Variants in NRXN1 observed in about 807,000 individuals in gnomAD.
The protein encoded by NRXN1 is neurexin 1.
A neutral mutation model predicts 150.9 loss-of-function variants in NRXN1; 39 were observed. The observed-to-expected ratio is 0.26, with a 90% CI of 0.20 to 0.34. The LOEUF is 0.34. Ranked by LOEUF, NRXN1 falls within the 10% of genes least tolerant of loss-of-function variation. The probability of loss-of-function intolerance (pLI) is 1.00; values close to 1 mark genes in which losing one functional copy is unlikely to be tolerated. For synonymous variants in NRXN1, 924 were observed against 757.0 expected (o/e 1.22, Z -3.62); for missense variants, 1,815 against 1,949.9 (o/e 0.93, Z 1.30).
At chr2:50,938,404 A>G (rs936803735) in intron 2 of NRXN1, among the ~76,000 whole-genome samples, 1 of 152,286 alleles carries the variant, frequency 6.6e-6, no homozygotes, top group African/African-American at 2.4e-5. Flanking sequence ...CAATATCACT[A>G]TCAGTATTTT....
At chr2:50,579,839 T>G (rs556662047) in intron 8 of NRXN1, among the ~76,000 whole-genome samples, 1 of 151,648 alleles carries the variant, frequency 6.6e-6, no homozygotes, top group East Asian at 2.0e-4. Context: ...GAAAAAGCAA[T>G]TGAACATCAG....
rs145847260 is a variant in NRXN1 at position 50,340,744 on chromosome 2, C to T, written c.3365-103774G>A. ...AAAGAGAGAGAGAAACAGAGAAAAA[C>T]GAAACAAGAATATGAATGACAAAAC... is the stretch of plus-strand genomic sequence containing the variant. On this transcript the variant is annotated intron_variant, in intron 17 of 22. Coordinates refer to ENST00000401669, the MANE Select transcript of NRXN1 (RefSeq NM_001330078.2). 6.9e-3 allele frequency among the ~76,000 whole-genome samples: 1,047 copies of T among 152,002 alleles called. 3 individuals are homozygous for T. Among genetic ancestry groups the T allele is most frequent in the Non-Finnish European group, 0.011 (759 of 67,970 alleles).
intron 5 of NRXN1, among the ~76,000 whole-genome samples, chr2:50,868,611 T>C (rs1453669923): frequency 6.6e-6 from 1 of 151,816 alleles, no homozygotes; most frequent in Non-Finnish European, 1.5e-5. Context: ...AGAAACAAGT[T>C]CTATACATAA....
intron 2 of NRXN1, among the ~76,000 whole-genome samples, chr2:50,972,587 C>G (rs773451742): frequency 5.3e-5 from 8 of 152,072 alleles, no homozygotes; most frequent in Non-Finnish European, 1.2e-4. Flanking sequence ...AACTATACAA[C>G]TCACCATAAT....
intron 22 of NRXN1, among the ~76,000 whole-genome samples, chr2:49,930,410 C>G (rs1427957643): frequency 1.3e-5 from 2 of 152,058 alleles, no homozygotes; most frequent in East Asian, 1.9e-4. Flanking sequence ...GGAAAAAAGA[C>G]AAACAACCTA....
At chr2:50,091,679 T>G (rs1480836595) in intron 18 of NRXN1, among the ~76,000 whole-genome samples, 185 bp from the exon 19 acceptor site, 1 of 152,212 alleles carries the variant, frequency 6.6e-6, no homozygotes, top group Non-Finnish European at 1.5e-5. Flanking sequence ...TTAAGACATC[T>G]CTTTCATGGA....
chr2:50,508,195 C>T (rs553395983), intron 12 of NRXN1, among the ~76,000 whole-genome samples: 1 of 152,090 alleles, frequency 6.6e-6, no homozygotes, highest in African/African-American at 2.4e-5. Flanking sequence ...AGAAATGAGC[C>T]AGTGATATGA....
At chr2:50,588,929 A>G (rs1673633222) in intron 8 of NRXN1, 1 of 152,138 alleles carries the variant, frequency 6.6e-6, no homozygotes, top group Non-Finnish European at 1.5e-5. Context: ...TCATACAATA[A>G]ATCCTAGGAA....
At chr2:50,614,667 A>AT (rs1346343295) in intron 8 of NRXN1, among the ~76,000 whole-genome samples, 1 of 147,044 alleles carries the variant, frequency 6.8e-6, no homozygotes, top group Non-Finnish European at 1.5e-5. Context: ...ATAAAATAAA[A>AT]AAAAAACAGA....
At chr2:50,539,447 T>C (rs989603321) in intron 9 of NRXN1, among the ~76,000 whole-genome samples, 2 of 152,080 alleles carry the variant, frequency 1.3e-5, no homozygotes, top group Admixed American at 1.3e-4. Flanking sequence ...GGGCTCTAAG[T>C]CCTAAGTATG....
intron 18 of NRXN1, among the ~76,000 whole-genome samples, chr2:50,212,811 C>A (rs1461957606): frequency 1.3e-5 from 2 of 151,968 alleles, no homozygotes; most frequent in African/African-American, 4.8e-5. Context: ...TATGAAACTT[C>A]AAGGTTAAAT....
At chr2:50,729,007 T>A (rs1697750226) in intron 5 of NRXN1, among the ~76,000 whole-genome samples, 2 of 152,184 alleles carry the variant, frequency 1.3e-5, no homozygotes, top group Non-Finnish European at 2.9e-5. Flanking sequence ...AAACCTTTTT[T>A]TCCCCTGCAT....
In NRXN1 at chr2:50,793,842, C is replaced by T. The variant is rs188248971; in HGVS notation, c.832+128027G>A. Among the ~76,000 whole-genome samples, 66 of 152,130 alleles carry T rather than the reference C, an allele frequency of 4.3e-4. No individual in the cohort carries two copies. The East Asian group carries it at 6.6e-3, about 15-fold the overall frequency. On this transcript the variant is annotated intron_variant, in intron 5 of 22. Transcript: ENST00000401669. ...AGCAGCAGAATTATCCACAATGATTCTCATGCATTTGTACTTTTTTTAATC... is the reference window on the plus strand; with the variant it reads ...AGCAGCAGAATTATCCACAATGATTTTCATGCATTTGTACTTTTTTTAATC...
At chr2:50,088,137 A>G (rs959401230) in intron 19 of NRXN1, among the ~76,000 whole-genome samples, 2 of 152,178 alleles carry the variant, frequency 1.3e-5, no homozygotes, top group Non-Finnish European at 2.9e-5. Flanking sequence ...AAACTGACAT[A>G]AAATACATAT....
At position 50,869,985 on chromosome 2, in the gene NRXN1, C is replaced by T. The variant is rs76749303; in HGVS notation, c.832+51884G>A. Among the ~76,000 whole-genome samples, 150 of 151,920 alleles carry T rather than the reference C, an allele frequency of 9.9e-4. No homozygotes were observed. The East Asian group carries it at 0.028, about 28-fold the overall frequency. ...CAAAAGTTAATAAGACACTTAAATG[C>T]TTTTTGGCTTTTAAAATAACTTATT... On this transcript the variant is annotated intron_variant, in intron 5 of 22. Coordinates refer to ENST00000401669, the MANE Select transcript of NRXN1 (RefSeq NM_001330078.2).
chr2:50,485,024 A>G (rs538495970), intron 15 of NRXN1, among the ~76,000 whole-genome samples: 3 of 152,314 alleles, frequency 2.0e-5, no homozygotes, highest in Admixed American at 6.5e-5. Context: ...CCTGGGTTCA[A>G]ATTCTGTTTC....
intron 5 of NRXN1, among the ~76,000 whole-genome samples, chr2:50,654,743 C>T (rs536961768): frequency 6.6e-6 from 1 of 152,166 alleles, no homozygotes; most frequent in African/African-American, 2.4e-5. Context: ...GAGATGGTAT[C>T]TCATTGTGTT....
chr2:50,006,686 A>G (rs1404386874), intron 21 of NRXN1, among the ~76,000 whole-genome samples: 1 of 152,176 alleles, frequency 6.6e-6, no homozygotes, highest in Non-Finnish European at 1.5e-5. Flanking sequence ...TATGTCAAGA[A>G]TGTAATTTTA....
intron 8 of NRXN1, among the ~76,000 whole-genome samples, chr2:50,571,076 C>T (rs1478273837): frequency 1.3e-5 from 2 of 152,090 alleles, no homozygotes; most frequent in Non-Finnish European, 2.9e-5. Context: ...AATGCCTACA[C>T]TGGAGGAAAA....
Sources: allele counts gnomAD v4.1 joint callset (sites outside exome capture counted in the v4.1 genomes callset), GRCh38; gene constraint gnomAD v4.1.1; transcripts MANE v1.5; gene names NCBI Gene and HGNC (gene_info 2026-07-23, HGNC 2026-07-21).